The following HMGB1 variants were observed in gnomAD, a reference collection of about 807,000 sequenced individuals.
HMGB1 encodes the protein high mobility group box 1.
For synonymous variants in HMGB1, 81 were observed against 84.0 expected (o/e 0.96, Z 0.19); for missense variants, 79 against 253.5 (o/e 0.31, Z 4.67).
intron 1 of HMGB1, among the ~76,000 whole-genome samples, chr13:30,502,871 T>C (rs1887765868): frequency 6.6e-6 from 1 of 151,954 alleles, no homozygotes; most frequent in African/African-American, 2.4e-5. Flanking sequence ...AGATGGGGTT[T>C]CACCATGCTG....
At chr13:30,497,539 T>G (rs1887638451) in intron 1 of HMGB1, among the ~76,000 whole-genome samples, 1 of 151,856 alleles carries the variant, frequency 6.6e-6, no homozygotes, top group Admixed American at 6.6e-5. Flanking sequence ...GGTGTACAGA[T>G]TATTTTGTTA....
intron 1 of HMGB1, among the ~76,000 whole-genome samples, chr13:30,602,048 G>A (rs984615179): frequency 2.6e-5 from 4 of 152,120 alleles, no homozygotes; most frequent in Non-Finnish European, 5.9e-5. Flanking sequence ...GCACATGTAC[G>A]AGCGTACAAG....
At chr13:30,558,300 A>G (rs1869778045) in intron 1 of HMGB1, among the ~76,000 whole-genome samples, 1 of 152,194 alleles carries the variant, frequency 6.6e-6, no homozygotes, top group Non-Finnish European at 1.5e-5. Context: ...ACAATATTCT[A>G]GATACACTGT....
chr13:30,495,489 T>G (rs999945746), intron 1 of HMGB1, among the ~76,000 whole-genome samples: 1 of 151,298 alleles, frequency 6.6e-6, no homozygotes, highest in South Asian at 2.1e-4. Flanking sequence ...TCTTTTTTTT[T>G]TTTTTTGGAG....
chr13:30,616,932 C>T (rs1950570736), exon 1 of HMGB1: 1 of 152,142 alleles, frequency 6.6e-6, no homozygotes, highest in African/African-American at 2.4e-5. Flanking sequence ...AAATTGTTAT[C>T]CTAGGACACA....
chr13:30,568,395 T>C (rs1307096860), intron 1 of HMGB1, among the ~76,000 whole-genome samples: 1 of 152,070 alleles, frequency 6.6e-6, no homozygotes, highest in East Asian at 1.9e-4. Flanking sequence ...AAGTTCCAGC[T>C]ACTTGAGAGG....
At chr13:30,558,958 A>G (rs1323387853) in intron 1 of HMGB1, among the ~76,000 whole-genome samples, 1 of 152,204 alleles carries the variant, frequency 6.6e-6, no homozygotes, top group Non-Finnish European at 1.5e-5. Flanking sequence ...GAGGGCAAGG[A>G]CCAAACTTGT....
chr13:30,535,476 T>G (rs981624752), intron 1 of HMGB1, among the ~76,000 whole-genome samples: 3 of 152,258 alleles, frequency 2.0e-5, no homozygotes, highest in African/African-American at 7.2e-5. Context: ...TTTTCCTCCA[T>G]GCTTCTCTTT....
intron 1 of HMGB1, among the ~76,000 whole-genome samples, chr13:30,569,323 G>A (rs940709139): frequency 6.6e-6 from 1 of 152,176 alleles, no homozygotes. Context: ...ACTGTGTACT[G>A]TTTCTCATTC....
rs1324060159 is a variant in HMGB1, at chr13:30,564,519, T to C, written c.-15+52152A>G. Among the ~76,000 whole-genome samples the C allele has an allele frequency of 4.6e-5, 7 of 152,020 alleles. No individual in the cohort carries two copies. The South Asian group carries it at 1.2e-3, about 27-fold the overall frequency. ...AACCGCTGCCCTGTGCTTGGAGAGA[T>C]CTGTTTACCTTTACCACTAAAGACT... On this transcript the variant is annotated intron_variant, in intron 1 of 4. Transcript: ENST00000405805.
chr13:30,569,906 T>C (rs968156443), intron 1 of HMGB1, among the ~76,000 whole-genome samples: 1 of 152,354 alleles, frequency 6.6e-6, no homozygotes, highest in African/African-American at 2.4e-5. Flanking sequence ...ATTTTATCTC[T>C]AGGTCTGGTG....
chr13:30,468,358 G>A (rs1008148501), upstream of HMGB1, among the ~76,000 whole-genome samples: 5 of 152,084 alleles, frequency 3.3e-5, no homozygotes, highest in African/African-American at 7.2e-5. Flanking sequence ...TGGTTCAATC[G>A]ATTCTTCTGC....
At chr13:30,462,346 G>C in intron 4 of HMGB1, 192 bp downstream of exon 4, 1 of 668,650 alleles carries the variant, frequency 1.5e-6, no homozygotes, top group Non-Finnish European at 2.8e-6. Context: ...GCCTTTGTCT[G>C]AGTCTGATTA....
intron 1 of HMGB1, among the ~76,000 whole-genome samples, chr13:30,562,517 A>G (rs1032454568): frequency 1.3e-5 from 2 of 151,768 alleles, no homozygotes; most frequent in African/African-American, 4.8e-5. Context: ...TTATATATCA[A>G]CTTACTTTTA....
intron 1 of HMGB1, among the ~76,000 whole-genome samples, chr13:30,474,793 C>A (rs952400968): frequency 8.0e-6 from 1 of 124,946 alleles, no homozygotes; most frequent in African/African-American, 3.2e-5. Context: ...GATGGTTTCG[C>A]TCTATCGCCT....
intron 1 of HMGB1, among the ~76,000 whole-genome samples, chr13:30,503,944 C>T (rs1010387271): frequency 6.6e-6 from 1 of 151,976 alleles, no homozygotes; most frequent in Non-Finnish European, 1.5e-5. Flanking sequence ...AAAATAAAGA[C>T]ATACATACAT....
intron 1 of HMGB1, among the ~76,000 whole-genome samples, chr13:30,525,818 C>T (rs1436307978): frequency 6.6e-6 from 1 of 151,272 alleles, no homozygotes; most frequent in East Asian, 1.9e-4. Flanking sequence ...TCTGGTCTCT[C>T]CCTTGACAGG....
At chr13:30,527,018 T>TGGCCAGGAGG (rs1456813122) in intron 1 of HMGB1, among the ~76,000 whole-genome samples, 38 of 152,346 alleles carry the variant, frequency 2.5e-4, no homozygotes, top group African/African-American at 8.4e-4. Context: ...GCAGGCTCCT[T>TGGCCAGGAGG]GGCCAGGAGG....
intron 1 of HMGB1, among the ~76,000 whole-genome samples, chr13:30,549,713 T>C (rs1197038838): frequency 1.1e-4 from 1 of 9,322 alleles, no homozygotes; most frequent in East Asian, 0.25. Flanking sequence ...AATTGTTTGT[T>C]TTTTTTTTTT....
Sources: gnomAD v4.1 joint callset for allele counts (sites outside exome capture counted in the v4.1 genomes callset) on GRCh38, gnomAD v4.1.1 for gene constraint, MANE v1.5 for transcripts, NCBI Gene and HGNC (gene_info 2026-07-23, HGNC 2026-07-21) for gene names.